ASAP3: variants seen among roughly 807,000 people sequenced by gnomAD.
ASAP3 encodes the protein arf-GAP with SH3 domain, ANK repeat and PH domain-containing protein 3.
In ASAP3, 85 loss-of-function variants were observed where a neutral mutation model predicts 118.2. The ratio of observed to expected loss-of-function variants is 0.72; its 90% CI spans 0.60 to 0.86. ASAP3 has a LOEUF of 0.86. Ranked by LOEUF, ASAP3 falls within the 40% of genes least tolerant of loss-of-function variation. ASAP3 has a pLI of 0.00. For missense variants in ASAP3, 1,026 were observed against 1,175.0 expected, an observed-to-expected ratio of 0.87 and a Z score of 1.85; for synonymous variants, 432 against 477.4, an observed-to-expected ratio of 0.90 and a Z score of 1.24.
intron 5 of ASAP3, among the ~76,000 whole-genome samples, chr1:23,448,597 AATATATGTATTATATTTATT>A (rs1641117485): frequency 6.6e-6 from 1 of 151,442 alleles, no homozygotes; most frequent in Admixed American, 6.6e-5. Flanking sequence ...GTGGCTTCTA[AATATATGTATTATATTTATT>A]ATATATGTAT....
In ASAP3 at chr1:23,431,715, A is replaced by ACATCTCCGAAGGGGTGGTC; in HGVS notation, c.2508_2526dup (p.Tyr843AspfsTer28). 1 of 1,522,150 alleles carries ACATCTCCGAAGGGGTGGTC rather than the reference A, an allele frequency of 6.6e-7. No individual in the cohort carries two copies. The allele number at this position is 1,522,150 out of a possible 1,614,324, so 94.3% of individuals were successfully genotyped here. A position where few individuals can be genotyped will look rare whatever the true frequency, so the allele number is the denominator to read the frequency against. Reference sequence around the variant, plus strand: ...ACCAACCTGAATCTGACGGGGAGGTACATCTCCGAAGGGGTGGTCCCGGAT... The same window carrying ACATCTCCGAAGGGGTGGTC: ...ACCAACCTGAATCTGACGGGGAGGTACATCTCCGAAGGGGTGGTCCATCTCCGAAGGGGTGGTCCCGGAT... On this transcript the variant is annotated frameshift_variant, in exon 23 of 25. Transcript: ENST00000336689. LOFTEE classifies it high-confidence loss of function.
rs1275928793 is a variant in ASAP3, at chr1:23,437,450, C to A, written c.1125G>T (p.Gln375His). ...CCTCACACTCGTGCTCGTCCTCTGC[C>A]TGAAAGTGGTACGTCCGGTTGTCTG... ...LVTHNRTYHF[Q>H]AEDEHECEAW... is the part of the protein sequence containing the mutation. The change falls in exon 13 of 25, where the codon CAG becomes CAT. Residue 375 changes from glutamine to histidine, a missense_variant. Physicochemically the swap from Gln to His is conservative, Grantham distance 24. Coordinates refer to ENST00000336689, the MANE Select transcript of ASAP3 (RefSeq NM_017707.4). The surrounding 1 kb of genome is among the most constrained non-coding windows in gnomAD (Gnocchi z 6.1). 2 of 1,614,028 alleles carry A rather than the reference C, an allele frequency of 1.2e-6. No homozygotes were observed. The highest frequency in any genetic ancestry group is 1.7e-6 in the Non-Finnish European group (2 of 1,180,014).
rs777456369 is a variant in ASAP3 at position 23,452,669 on chromosome 1, C to T, written c.423+28G>A. On this transcript the variant is annotated intron_variant, in intron 4 of 24. Coordinates refer to ENST00000336689, the MANE Select transcript of ASAP3 (RefSeq NM_017707.4). ...TGCCCACCCCTCTTTTACTCTGTCCCACCACCACTCCCAGCATGGAGACTC... is the reference window on the plus strand; with the variant it reads ...TGCCCACCCCTCTTTTACTCTGTCCTACCACCACTCCCAGCATGGAGACTC... 6.8e-6 allele frequency: 11 copies of T among 1,610,366 alleles called. No individual in the cohort carries two copies. In the Admixed American group the frequency reaches 1.7e-4, roughly 24 times the overall value.
intron 5 of ASAP3, among the ~76,000 whole-genome samples, chr1:23,450,877 G>A (rs1231847226): frequency 6.6e-6 from 1 of 152,182 alleles, no homozygotes; most frequent in Non-Finnish European, 1.5e-5. Context: ...AGGAGTCTCT[G>A]CCCAGGAGGA....
intron 1 of ASAP3, among the ~76,000 whole-genome samples, chr1:23,468,712 T>C (rs1056381515): frequency 3.4e-5 from 5 of 145,884 alleles, no homozygotes; most frequent in African/African-American, 1.3e-4. Context: ...CTATCTCTAC[T>C]AAAAATACAA....
chr1:23,430,564 C>T (rs1640388309), intron 24 of ASAP3, among the ~76,000 whole-genome samples: 1 of 152,298 alleles, frequency 6.6e-6, no homozygotes, highest in South Asian at 2.1e-4. Context: ...GTTAGGCAAA[C>T]AAGGGCTGGT....
intron 4 of ASAP3, 104 bp downstream of exon 4, chr1:23,452,593 C>G: frequency 1.6e-6 from 2 of 1,269,356 alleles, no homozygotes; most frequent in Admixed American, 1.7e-5. Context: ...CTAAGACAGC[C>G]CCTTCACCTG....
intron 5 of ASAP3, among the ~76,000 whole-genome samples, chr1:23,447,131 G>A (rs1199968538): frequency 6.6e-6 from 1 of 152,198 alleles, no homozygotes; most frequent in Non-Finnish European, 1.5e-5. Flanking sequence ...ACCTCCTGCT[G>A]TTCAGTCCAG....
At chr1:23,443,387 TTCTGC>T (rs1640939966) in intron 5 of ASAP3, among the ~76,000 whole-genome samples, 1 of 152,190 alleles carries the variant, frequency 6.6e-6, no homozygotes, top group Non-Finnish European at 1.5e-5. Flanking sequence ...ATGTCTACTA[TTCTGC>T]TCTGTCTGTC....
chr1:23,444,608 A>G (rs1244366485), intron 5 of ASAP3, among the ~76,000 whole-genome samples: 1 of 152,220 alleles, frequency 6.6e-6, no homozygotes. Context: ...TAGAAGACAC[A>G]TGGCAGCTTT....
intron 5 of ASAP3, among the ~76,000 whole-genome samples, chr1:23,444,361 C>T (rs1640978980): frequency 6.6e-6 from 1 of 152,218 alleles, no homozygotes; most frequent in African/African-American, 2.4e-5. Context: ...TTCCACATCT[C>T]AGGCTGGGTG....
At position 23,440,679 on chromosome 1, in the gene ASAP3, AC is replaced by A. The variant is rs1208911638; in HGVS notation, c.944+422del. 5.3e-5 allele frequency among the ~76,000 whole-genome samples: 8 copies of A among 150,546 alleles called. No homozygotes were observed. The East Asian group carries it at 1.4e-3, about 26-fold the overall frequency. On this transcript the variant is annotated intron_variant, in intron 10 of 24. Coordinates refer to ENST00000336689, the MANE Select transcript of ASAP3 (RefSeq NM_017707.4). The stretch of plus-strand genomic sequence containing the variant: ...AGACCATCCTGGCTAACATAGTGAA[AC>A]CCCGTCTCTACTAAAAATACAAAAA...
At chr1:23,483,537 A>G (rs1021164001) in intron 1 of ASAP3, among the ~76,000 whole-genome samples, 1 of 152,080 alleles carries the variant, frequency 6.6e-6, no homozygotes, top group African/African-American at 2.4e-5. Flanking sequence ...TTCATTCCAC[A>G]AACGCGGGCC....
chr1:23,482,183 G>A (rs556330664), intron 1 of ASAP3, among the ~76,000 whole-genome samples: 1 of 152,242 alleles, frequency 6.6e-6, no homozygotes, highest in Non-Finnish European at 1.5e-5. Context: ...CCCAATCACT[G>A]TCTAAAGAGA....
intron 5 of ASAP3, among the ~76,000 whole-genome samples, chr1:23,443,824 G>A (rs972654702): frequency 2.6e-5 from 4 of 151,892 alleles, no homozygotes; most frequent in Admixed American, 2.0e-4. Context: ...GGGTTCAAGC[G>A]ATTCTCCTGC....
At chr1:23,464,576 CT>C in intron 1 of ASAP3, among the ~76,000 whole-genome samples, 1 of 146,224 alleles carries the variant, frequency 6.8e-6, no homozygotes, top group African/African-American at 2.5e-5. Flanking sequence ...GAGAGGAGCC[CT>C]TGAGCCCAGG....
rs1372591412 is a variant in ASAP3, at chr1:23,451,487, T to C, written c.465A>G (p.Glu155=). The C allele has an allele frequency of 6.2e-7, 1 of 1,614,120 alleles. No homozygotes were observed. The highest frequency in any genetic ancestry group is 1.3e-5 in the African/African-American group (1 of 74,938). ...KQLEKAWKDY[E]AKMAKLEKER... is the part of the protein sequence containing the mutation. ...TGGCTGTGGCCACTTACATTTTGGCTTCATAGTCCTTCCATGCCTTCTCCA... is the reference window on the plus strand; with the variant it reads ...TGGCTGTGGCCACTTACATTTTGGCCTCATAGTCCTTCCATGCCTTCTCCA... The change falls in exon 5 of 25, where the codon GAA becomes GAG. Residue 155 remains glutamate (E), a synonymous_variant. Transcript: ENST00000336689.
intron 20 of ASAP3, 22 bp from the exon 21 acceptor site, chr1:23,433,554 T>C (rs749453812): frequency 2.7e-5 from 44 of 1,614,042 alleles, no homozygotes; most frequent in Non-Finnish European, 3.4e-5. Flanking sequence ...AAAGGCTTGG[T>C]GGTTCAGAGG....
At position 23,441,617 on chromosome 1, in the gene ASAP3, G is replaced by A. The variant is rs375288294; in HGVS notation, c.747+38C>T. On this transcript the variant is annotated intron_variant, in intron 8 of 24. Coordinates refer to ENST00000336689, the MANE Select transcript of ASAP3 (RefSeq NM_017707.4). ...CCACAGATTTTCCTGGAAGGACAGGGGGCTTGATCACGTGCCCAAGGGTGA... is the reference window on the plus strand; with the variant it reads ...CCACAGATTTTCCTGGAAGGACAGGAGGCTTGATCACGTGCCCAAGGGTGA... 4.7e-4 allele frequency: 755 copies of A among 1,611,730 alleles called. 5 individuals carry two copies. The South Asian group carries it at 7.8e-3, about 17-fold the overall frequency.
Sources: allele counts gnomAD v4.1 joint callset (sites outside exome capture counted in the v4.1 genomes callset), GRCh38; gene constraint gnomAD v4.1.1; non-coding constraint Gnocchi (gnomAD v3.1); transcripts MANE v1.5; gene names NCBI Gene and HGNC (gene_info 2026-07-23, HGNC 2026-07-21).